Variants in SLCO4A1 observed in about 807,000 individuals in gnomAD.
SLCO4A1 encodes colon organic anion transporter.
Under a neutral mutation model 64.6 loss-of-function variants are expected in SLCO4A1, and 51 were observed. That is an observed-to-expected ratio of 0.79 (90% CI 0.63 to 1.00). SLCO4A1 has a LOEUF of 1.00. Ranked by LOEUF, SLCO4A1 falls within the 50% of genes least tolerant of loss-of-function variation. The pLI is 0.00. For missense variants in SLCO4A1, 919 were observed against 980.5 expected (o/e 0.94, Z 0.84); for synonymous variants, 471 against 444.9 (o/e 1.06, Z -0.74).
chr20:62,654,394 C>T (rs1192254984), intron 1 of SLCO4A1, among the ~76,000 whole-genome samples: 3 of 152,234 alleles, frequency 2.0e-5, no homozygotes, highest in African/African-American at 7.2e-5. Flanking sequence ...GGGCACCGGT[C>T]CGCCCACCCC....
intron 11 of SLCO4A1, among the ~76,000 whole-genome samples, chr20:62,671,054 T>C (rs1374836076): frequency 6.6e-6 from 1 of 152,114 alleles, no homozygotes; most frequent in African/African-American, 2.4e-5. Flanking sequence ...TGCCACATCG[T>C]CCTCTTGCCC....
Position 62,644,167 on chromosome 20 carries a change from G to A in SLCO4A1, c.-97+1614G>A, listed in dbSNP as rs1251186557. Reference sequence around the variant, plus strand: ...GCAGGACACCAGTAGGATGTTGCTCGGGCCGAGACCACACAGCCCGACTTC... The same window carrying A: ...GCAGGACACCAGTAGGATGTTGCTCAGGCCGAGACCACACAGCCCGACTTC... On this transcript the variant is annotated intron_variant, in intron 1 of 11. Coordinates refer to ENST00000217159, the MANE Select transcript of SLCO4A1 (RefSeq NM_016354.4). This position sits in a 1 kb window ranked among gnomAD's most constrained non-coding sequence, Gnocchi z 5.4. Among the ~76,000 whole-genome samples, 5 of 152,138 alleles carry A rather than the reference G, an allele frequency of 3.3e-5. No homozygotes were observed. The highest frequency in any genetic ancestry group is 3.2e-3 in the Middle Eastern group (1 of 316).
chr20:62,646,098 C>T (rs1466707228), intron 1 of SLCO4A1, among the ~76,000 whole-genome samples: 2 of 152,190 alleles, frequency 1.3e-5, no homozygotes, highest in African/African-American at 4.8e-5. Flanking sequence ...CTCCCTGCAG[C>T]CTCTCAAGCT....
intron 2 of SLCO4A1, among the ~76,000 whole-genome samples, chr20:62,681,286 G>A (rs919855326): frequency 7.9e-5 from 12 of 152,318 alleles, no homozygotes; most frequent in African/African-American, 2.9e-4. Context: ...CTCCCCCAAT[G>A]GTAACATTCT....
chr20:62,656,577 C>A lies in SLCO4A1; in HGVS notation c.123C>A (p.Pro41=). 1 of 1,588,926 alleles carries A rather than the reference C, an allele frequency of 6.3e-7. No individual in the cohort carries two copies. Among genetic ancestry groups the A allele is most frequent in the East Asian group, 2.3e-5 (1 of 43,510 alleles). ...RRASPGTPLS[P]GSLRSAAHSP... ...CATCCCCGGGCACACCCCTGAGCCC[C>A]GGCTCCCTCCGCTCCGCTGCCCATA... is the stretch of plus-strand genomic sequence containing the variant. The change falls in exon 2 of 12, where the codon CCC becomes CCA. Residue 41 remains proline, a synonymous_variant. Transcript: ENST00000217159.
chr20:62,689,269 AGGCCTGTCCCCGGCTGTG>A (rs1988157945), downstream of SLCO4A1, among the ~76,000 whole-genome samples: 1 of 102,118 alleles, frequency 9.8e-6, no homozygotes, highest in South Asian at 3.2e-4. Flanking sequence ...CGTTCCTCGC[AGGCCTGTCCCCGGCTGTG>A]CCCCGTGCCT....
chr20:62,685,910 C>T (rs2147119062), downstream of SLCO4A1: 1 of 152,182 alleles, frequency 6.6e-6, no homozygotes, highest in East Asian at 1.9e-4. The surrounding 1 kb of genome is among the most constrained non-coding windows in gnomAD (Gnocchi z 4.6). Context: ...AGCCAGGCGC[C>T]CCCACAGCCT....
At chr20:62,666,631 T>C (rs1409224684) in intron 7 of SLCO4A1, 56 bp downstream of exon 7, 1 of 1,467,180 alleles carries the variant, frequency 6.8e-7, no homozygotes, top group Non-Finnish European at 9.4e-7. Context: ...CCGCGGTCCC[T>C]GGGCATGGAG....
chr20:62,667,384 G>A (rs1249152301), intron 7 of SLCO4A1: 3 of 229,466 alleles, frequency 1.3e-5, no homozygotes, highest in East Asian at 9.6e-5. Context: ...GGGTGGGGCT[G>A]GGGCCACGAG....
chr20:62,676,893 G>A (rs1987621367), downstream of SLCO4A1, among the ~76,000 whole-genome samples: 1 of 152,228 alleles, frequency 6.6e-6, no homozygotes, highest in African/African-American at 2.4e-5. Flanking sequence ...CAGCCCGAAT[G>A]TCAACTGGCT....
intron 2 of SLCO4A1, among the ~76,000 whole-genome samples, chr20:62,684,684 C>T (rs1259809658): frequency 6.6e-6 from 1 of 152,136 alleles, no homozygotes; most frequent in Non-Finnish European, 1.5e-5. Context: ...CCCACTCCCT[C>T]CCTCAAGTTT....
chr20:62,659,903 G>A (rs1286789939), intron 3 of SLCO4A1, among the ~76,000 whole-genome samples: 10 of 152,216 alleles, frequency 6.6e-5, no homozygotes, highest in East Asian at 1.9e-4. Flanking sequence ...ACCACTCCAC[G>A]GCCGCCTCAG....
At chr20:62,672,588 C>T (rs547901822), downstream of SLCO4A1, 5 of 152,360 alleles carry the variant, frequency 3.3e-5, no homozygotes, top group South Asian at 2.1e-4. Flanking sequence ...CTTATATAAA[C>T]GTGTCACAGT....
chr20:62,646,485 C>G (rs1012844227), intron 1 of SLCO4A1, among the ~76,000 whole-genome samples: 1 of 152,264 alleles, frequency 6.6e-6, no homozygotes, highest in Non-Finnish European at 1.5e-5. Flanking sequence ...TACGCCTTCA[C>G]TCACCAGTAG....
intron 1 of SLCO4A1, among the ~76,000 whole-genome samples, chr20:62,647,968 A>C (rs1981675171): frequency 6.6e-6 from 1 of 152,226 alleles, no homozygotes; most frequent in East Asian, 1.9e-4. Flanking sequence ...GCATGAGGAA[A>C]TCGGAAGAGA....
chr20:62,656,685 C>G lies in SLCO4A1; in HGVS notation c.231C>G (p.Tyr77Ter). 2 of 1,608,710 alleles carry G rather than the reference C, an allele frequency of 1.2e-6. No homozygotes were observed. The highest frequency in any genetic ancestry group is 1.7e-6 in the Non-Finnish European group (2 of 1,178,122). The change falls in exon 2 of 12, where the codon TAC becomes TAG. Residue 77 changes from tyrosine (Y) to a stop codon, truncating the protein, a stop_gained. Coordinates refer to ENST00000217159, the MANE Select transcript of SLCO4A1 (RefSeq NM_016354.4). LOFTEE classifies it high-confidence loss of function. ...HGARGTHEVR[Y>*]VSAGQSVACG... is the part of the protein sequence containing the mutation. ...CCCGGGGGACCCATGAGGTGCGGTA[C>G]GTCTCGGCCGGGCAGAGCGTGGCGT...
chr20:62,657,272 A>C, intron 2 of SLCO4A1, 22 bp downstream of exon 2: 1 of 1,499,712 alleles, frequency 6.7e-7, no homozygotes, highest in South Asian at 1.3e-5. Context: ...TGGCGGGGTA[A>C]GTGCTGGCAG....
intron 11 of SLCO4A1, 117 bp from the exon 12 acceptor site, chr20:62,671,633 G>C (rs562022614): frequency 1.1e-6 from 1 of 906,852 alleles, no homozygotes; most frequent in East Asian, 2.4e-5. Flanking sequence ...ATGGGTTTCC[G>C]TGGACCTGGT....
downstream of SLCO4A1, among the ~76,000 whole-genome samples, chr20:62,686,434 G>T (rs78987422): frequency 2.0e-5 from 3 of 152,030 alleles, no homozygotes; most frequent in Non-Finnish European, 4.4e-5. Flanking sequence ...ATGCAACTCC[G>T]CTCCACCAAG....
Sources: gnomAD v4.1 joint callset for allele counts (sites outside exome capture counted in the v4.1 genomes callset) on GRCh38, gnomAD v4.1.1 for gene constraint, Gnocchi (gnomAD v3.1) non-coding constraint, MANE v1.5 for transcripts, NCBI Gene and HGNC (gene_info 2026-07-23, HGNC 2026-07-21) for gene names.